ARID4B: variants seen among roughly 807,000 people sequenced by gnomAD.
ARID4B encodes AT-rich interactive domain-containing protein 4B.
In ARID4B, 26 loss-of-function variants were observed where a neutral mutation model predicts 147.5. That is an observed-to-expected ratio of 0.18 (90% CI 0.13 to 0.24). ARID4B has a LOEUF of 0.24. ARID4B is among the 10% of genes least tolerant of loss of function. The pLI is 1.00. For missense variants in ARID4B, 1,179 were observed against 1,511.5 expected, an observed-to-expected ratio of 0.78 and a Z score of 3.65; for synonymous variants, 512 against 507.9, an observed-to-expected ratio of 1.01 and a Z score of -0.11.
intron 6 of ARID4B, among the ~76,000 whole-genome samples, chr1:235,247,985 T>C (rs1236430124): frequency 1.3e-5 from 2 of 151,954 alleles, no homozygotes; most frequent in South Asian, 4.2e-4. Context: ...CGAAATTCCA[T>C]CTCAAAAAAT....
chr1:235,270,678 C>T (rs767559196), intron 2 of ARID4B, among the ~76,000 whole-genome samples: 5 of 152,226 alleles, frequency 3.3e-5, no homozygotes, highest in Non-Finnish European at 5.9e-5. Flanking sequence ...ACTTAAGGCA[C>T]TGTTCTAAGT....
intron 2 of ARID4B, among the ~76,000 whole-genome samples, chr1:235,266,230 T>C (rs1193194918): frequency 6.6e-6 from 1 of 152,164 alleles, no homozygotes; most frequent in Non-Finnish European, 1.5e-5. Context: ...TGGTCCAATT[T>C]AGAGACATAA....
chr1:235,263,978 A>T (rs1670447992), intron 2 of ARID4B, among the ~76,000 whole-genome samples: 1 of 151,794 alleles, frequency 6.6e-6, no homozygotes, highest in Non-Finnish European at 1.5e-5. Flanking sequence ...TGGGTGACAG[A>T]GCGAGACTCC....
rs1667129149 is a variant in ARID4B at position 235,216,886 on chromosome 1, A to G, written c.1584-2860T>C. Among the ~76,000 whole-genome samples the G allele has an allele frequency of 2.6e-5, 4 of 152,120 alleles. No homozygotes were observed. In the South Asian group the frequency reaches 8.3e-4, roughly 32 times the overall value. On this transcript the variant is annotated intron_variant, in intron 16 of 23. Transcript: ENST00000264183. Reference sequence around the variant, plus strand: ...AGCATATTTTATTGTGGCCACAATAAAAGAGATTTATCATGCACCTCAGAA... The same window carrying G: ...AGCATATTTTATTGTGGCCACAATAGAAGAGATTTATCATGCACCTCAGAA...
intron 2 of ARID4B, among the ~76,000 whole-genome samples, chr1:235,289,102 A>T (rs1672166117): frequency 6.6e-6 from 1 of 152,232 alleles, no homozygotes; most frequent in Admixed American, 6.5e-5. Context: ...TGTGTGAGAT[A>T]ACATATATTC....
At chr1:235,238,414 G>A (rs1269699992) in intron 8 of ARID4B, among the ~76,000 whole-genome samples, 1 of 152,224 alleles carries the variant, frequency 6.6e-6, no homozygotes, top group Non-Finnish European at 1.5e-5. Context: ...AACAGAGACA[G>A]AGAATAATTT....
chr1:235,179,716 G>A (rs1233368589), intron 20 of ARID4B, among the ~76,000 whole-genome samples: 1 of 148,144 alleles, frequency 6.8e-6, no homozygotes, highest in Non-Finnish European at 1.5e-5. Flanking sequence ...CTTTTTTTTT[G>A]TTGTTAATTT....
Position 235,211,194 on chromosome 1 carries a change from C to T in ARID4B, c.1841+2575G>A, listed in dbSNP as rs536859032. 2.0e-4 allele frequency among the ~76,000 whole-genome samples: 30 copies of T among 152,136 alleles called. No individual in the cohort carries two copies. The East Asian group carries it at 4.6e-3, about 24-fold the overall frequency. On this transcript the variant is annotated intron_variant, in intron 17 of 23. Transcript: ENST00000264183. The stretch of plus-strand genomic sequence containing the variant: ...ACTAAAAATACAAAAATTAGCTGGG[C>T]GTGGTGGTGCGTGCCTATCTCAGCT...
chr1:235,232,737 ACCC>A (rs2103052981), intron 9 of ARID4B, among the ~76,000 whole-genome samples: 1 of 151,910 alleles, frequency 6.6e-6, no homozygotes, highest in African/African-American at 2.4e-5. Flanking sequence ...CATTTTCCTT[ACCC>A]CCCAACAATT....
chr1:235,325,489 G>A (rs1170567768), intron 2 of ARID4B, among the ~76,000 whole-genome samples: 2 of 152,004 alleles, frequency 1.3e-5, no homozygotes, highest in Non-Finnish European at 2.9e-5. Flanking sequence ...TACAACACTG[G>A]GAAATGTGAC....
intron 7 of ARID4B, among the ~76,000 whole-genome samples, chr1:235,240,764 G>A (rs1668933702): frequency 6.6e-6 from 1 of 152,080 alleles, no homozygotes; most frequent in Non-Finnish European, 1.5e-5. Flanking sequence ...AAACATCCCA[G>A]TATTACACTA....
chr1:235,260,328 C>T (rs564564723), intron 3 of ARID4B, among the ~76,000 whole-genome samples: 108 of 152,224 alleles, frequency 7.1e-4, no homozygotes, highest in Admixed American at 6.8e-3. Context: ...TAACCCTCTC[C>T]GAGCCTCATT....
chr1:235,310,171 C>CAATAAAAAAA (rs369193701), intron 2 of ARID4B, among the ~76,000 whole-genome samples: 1 of 148,802 alleles, frequency 6.7e-6, no homozygotes, highest in African/African-American at 2.5e-5. Context: ...CAAGAATGAT[C>CAATAAAAAAA]AATAAAAAAA....
chr1:235,305,474 TAA>T (rs1558298660), intron 2 of ARID4B, among the ~76,000 whole-genome samples: 1 of 152,206 alleles, frequency 6.6e-6, no homozygotes, highest in East Asian at 1.9e-4. Context: ...AGATATATAT[TAA>T]AGAGGCAGAA....
chr1:235,211,153 G>C (rs1666692596), intron 17 of ARID4B, among the ~76,000 whole-genome samples: 1 of 152,158 alleles, frequency 6.6e-6, no homozygotes, highest in Non-Finnish European at 1.5e-5. Flanking sequence ...AACAAACATG[G>C]AGAAACCCCA....
chr1:235,242,830 A>G (rs1428786088), intron 7 of ARID4B, among the ~76,000 whole-genome samples: 2 of 152,092 alleles, frequency 1.3e-5, no homozygotes, highest in Admixed American at 6.6e-5. Context: ...AATCATCTCC[A>G]TTTTTAGACT....
At chr1:235,246,578 A>C in intron 6 of ARID4B, 67 bp from the exon 7 acceptor site, 1 of 1,104,788 alleles carries the variant, frequency 9.1e-7, no homozygotes, top group South Asian at 1.4e-5. Context: ...GTTTTAAACC[A>C]AATCAATTTA....
intron 2 of ARID4B, among the ~76,000 whole-genome samples, chr1:235,316,705 G>C (rs1674462426): frequency 6.6e-6 from 1 of 151,646 alleles, no homozygotes; most frequent in African/African-American, 2.4e-5. Flanking sequence ...TGTAATCCCA[G>C]CTACTTGGGA....
At chr1:235,290,954 C>A (rs1214181375) in intron 2 of ARID4B, among the ~76,000 whole-genome samples, 1 of 152,188 alleles carries the variant, frequency 6.6e-6, no homozygotes, top group African/African-American at 2.4e-5. Flanking sequence ...TTTTAATTAG[C>A]TGGGCATGGT....
Sources: gnomAD v4.1 joint callset for allele counts (sites outside exome capture counted in the v4.1 genomes callset) on GRCh38, gnomAD v4.1.1 for gene constraint, MANE v1.5 for transcripts, NCBI Gene and HGNC (gene_info 2026-07-23, HGNC 2026-07-21) for gene names.